ARK2C: variants seen among roughly 807,000 people sequenced by gnomAD.
ARK2C encodes E3 ubiquitin-protein ligase ARK2C.
At chr18:46,344,489 T>A in the ARK2C span, among the ~76,000 whole-genome samples, 36 of 152,240 alleles carry the variant, frequency 2.4e-4, 1 homozygote, top group East Asian at 6.2e-3. Context: ...CACCTGCTTC[T>A]ACTCCTCAAA....
At chr18:46,373,040 G>A in the ARK2C span, among the ~76,000 whole-genome samples, 3 of 152,228 alleles carry the variant, frequency 2.0e-5, no homozygotes, top group East Asian at 1.9e-4. Context: ...GTGTGTGTAC[G>A]TGTGCATGTG....
the ARK2C span, among the ~76,000 whole-genome samples, chr18:46,430,024 T>C: frequency 1.3e-5 from 2 of 152,234 alleles, no homozygotes; most frequent in Admixed American, 1.3e-4. Context: ...CCCTGTGGAA[T>C]GGCTGCAGAG....
the ARK2C span, among the ~76,000 whole-genome samples, chr18:46,340,321 C>T: frequency 6.6e-6 from 1 of 152,218 alleles, no homozygotes; most frequent in Non-Finnish European, 1.5e-5. Context: ...ACCCTTATAA[C>T]CCCATAGCCA....
At chr18:46,433,008 C>T in the ARK2C span, among the ~76,000 whole-genome samples, 1 of 152,178 alleles carries the variant, frequency 6.6e-6, no homozygotes, top group East Asian at 1.9e-4. Flanking sequence ...CAGGTACACG[C>T]ACACAGCCTT....
chr18:46,345,982 C>T, the ARK2C span, among the ~76,000 whole-genome samples: 9 of 152,126 alleles, frequency 5.9e-5, no homozygotes, highest in Non-Finnish European at 1.2e-4. Flanking sequence ...GATTGGAACT[C>T]GGTTTCTCGA....
chr18:46,384,840 G>A, the ARK2C span, among the ~76,000 whole-genome samples: 1 of 152,164 alleles, frequency 6.6e-6, no homozygotes, highest in South Asian at 2.1e-4. Flanking sequence ...AAAATAGCAA[G>A]ACCCTGTCTC....
the ARK2C span, chr18:46,334,409 C>A: frequency 7.2e-7 from 1 of 1,382,730 alleles, no homozygotes; most frequent in Non-Finnish European, 9.8e-7. This position sits in a 1 kb window ranked among gnomAD's most constrained non-coding sequence, Gnocchi z 4.4. Flanking sequence ...GCGGGCGCCG[C>A]GGGCGGCCGG....
At chr18:46,397,445 T>G in the ARK2C span, among the ~76,000 whole-genome samples, 10 of 78,916 alleles carry the variant, frequency 1.3e-4, no homozygotes, top group African/African-American at 1.6e-4. Flanking sequence ...CATGCTGAGG[T>G]GTGAGGGGGT....
chr18:46,445,152 G>A, the ARK2C span, among the ~76,000 whole-genome samples: 4 of 152,064 alleles, frequency 2.6e-5, no homozygotes, highest in African/African-American at 9.7e-5. Context: ...ACACTGTTAA[G>A]TAGTTACGTT....
chr18:46,455,926 G>T, the ARK2C span: 1 of 1,210,640 alleles, frequency 8.3e-7, no homozygotes, highest in Non-Finnish European at 1.2e-6. Context: ...CCAGCCACCA[G>T]CTGAGTCTGC....
At chr18:46,373,477 G>T in the ARK2C span, among the ~76,000 whole-genome samples, 2 of 152,252 alleles carry the variant, frequency 1.3e-5, no homozygotes, top group African/African-American at 4.8e-5. Context: ...GGACTGGCCT[G>T]CCTGGGTGCA....
At chr18:46,421,228 A>G in the ARK2C span, among the ~76,000 whole-genome samples, 2 of 152,304 alleles carry the variant, frequency 1.3e-5, no homozygotes, top group East Asian at 3.9e-4. Flanking sequence ...TCTACCTTGC[A>G]CTTTATCTGC....
the ARK2C span, among the ~76,000 whole-genome samples, chr18:46,456,356 T>G: frequency 2.6e-5 from 4 of 152,328 alleles, no homozygotes; most frequent in African/African-American, 9.6e-5. Context: ...TGTTTCAGGC[T>G]GATCTGAAAG....
At chr18:46,340,335 C>A in the ARK2C span, among the ~76,000 whole-genome samples, 1 of 152,216 alleles carries the variant, frequency 6.6e-6, no homozygotes, top group Admixed American at 6.5e-5. Context: ...ATAGCCAAAC[C>A]TCATGCAATG....
the ARK2C span, among the ~76,000 whole-genome samples, chr18:46,360,154 C>G: frequency 6.3e-3 from 966 of 152,298 alleles, 23 homozygotes; most frequent in African/African-American, 0.022. Context: ...GCTCACTCCT[C>G]CAAACAGAGC....
the ARK2C span, among the ~76,000 whole-genome samples, chr18:46,403,617 A>G: frequency 3.9e-5 from 6 of 152,046 alleles, no homozygotes; most frequent in Non-Finnish European, 4.4e-5. Context: ...GTGGCTCACA[A>G]CTGTAATCCC....
the ARK2C span, among the ~76,000 whole-genome samples, chr18:46,425,705 GGCCAGAGGA>G: frequency 2.0e-5 from 3 of 152,078 alleles, no homozygotes; most frequent in African/African-American, 4.8e-5. Context: ...CTCATCTGCT[GGCCAGAGGA>G]GCCTCCTGAC....
the ARK2C span, among the ~76,000 whole-genome samples, chr18:46,397,230 C>A: frequency 6.6e-6 from 1 of 152,196 alleles, no homozygotes; most frequent in African/African-American, 2.4e-5. Flanking sequence ...TTCAGCCTTT[C>A]CTAGGGTCAG....
the ARK2C span, chr18:46,460,634 C>A: frequency 0.014 from 2,122 of 152,256 alleles, 21 homozygotes; most frequent in Non-Finnish European, 0.022. Flanking sequence ...TGCATTGGTA[C>A]GATGACAAAC....
Sources: allele counts gnomAD v4.1 joint callset (sites outside exome capture counted in the v4.1 genomes callset), GRCh38; gene constraint gnomAD v4.1.1; non-coding constraint Gnocchi (gnomAD v3.1); transcripts MANE v1.5; gene names NCBI Gene and HGNC (gene_info 2026-07-23, HGNC 2026-07-21).